The following MTMR6 variants were observed in gnomAD, a reference collection of about 807,000 sequenced individuals.
MTMR6 encodes the protein phosphatidylinositol-3,5-bisphosphate 3-phosphatase MTMR6.
A neutral mutation model predicts 80.1 loss-of-function variants in MTMR6; 47 were observed. That is an observed-to-expected ratio of 0.59 (90% CI 0.46 to 0.75). The LOEUF (loss-of-function observed/expected upper bound fraction) is 0.75. Among genes scored for constraint, MTMR6 ranks in the 30% least tolerant of loss-of-function variants. MTMR6 has a pLI of 0.00. For missense variants in MTMR6, 629 were observed against 730.9 expected (o/e 0.86, Z 1.61); for synonymous variants, 254 against 253.0 (o/e 1.00, Z -0.04).
chr13:25,247,426 G>C lies in MTMR6; in HGVS notation c.*1806C>G, dbSNP rs186328819. 5 of 152,728 alleles carry C rather than the reference G, an allele frequency of 3.3e-5. No homozygotes were observed. Among genetic ancestry groups the C allele is most frequent in the African/African-American group, 1.2e-4 (5 of 41,564 alleles). The allele number at this position is 152,728 out of a possible 1,614,324, so 9.5% of individuals were successfully genotyped here. On this transcript the variant is annotated 3_prime_UTR_variant, in exon 14 of 14. Transcript: ENST00000381801. ...CCTGTAGGTCACTTAAGATGTAACTGATTTCTCAGTCCACCTGTGAGCATA... is the reference window on the plus strand; with the variant it reads ...CCTGTAGGTCACTTAAGATGTAACTCATTTCTCAGTCCACCTGTGAGCATA...
At chr13:25,270,600 CTAAT>C (rs1957551782) in intron 2 of MTMR6, among the ~76,000 whole-genome samples, 1 of 152,060 alleles carries the variant, frequency 6.6e-6, no homozygotes, top group Non-Finnish European at 1.5e-5. Context: ...GATAATATGA[CTAAT>C]TATTTCAGAA....
intron 9 of MTMR6, among the ~76,000 whole-genome samples, chr13:25,255,540 T>C (rs1188980641): frequency 6.6e-6 from 1 of 152,176 alleles, no homozygotes; most frequent in Non-Finnish European, 1.5e-5. Context: ...TCTTTTTTTT[T>C]TGAGACAGGG....
Position 25,287,162 on chromosome 13 carries a change from C to T in MTMR6, c.24+62G>A, listed in dbSNP as rs189999827. 3.0e-5 allele frequency: 47 copies of T among 1,557,230 alleles called. No homozygotes were observed. The African/African-American group carries it at 5.3e-4, about 18-fold the overall frequency. On this transcript the variant is annotated intron_variant, in intron 1 of 13. Transcript: ENST00000381801. The stretch of plus-strand genomic sequence containing the variant: ...AGTCAGGCCAGCAGAGCCTTCGTCT[C>T]CTCCTGCCTCAGCCGGGTCAGAGCA...
chr13:25,267,580 C>A (rs1957486097), intron 3 of MTMR6, among the ~76,000 whole-genome samples, 199 bp downstream of exon 3: 1 of 152,172 alleles, frequency 6.6e-6, no homozygotes, highest in African/African-American at 2.4e-5. Context: ...CTTACCATTA[C>A]CCCTTCTGAT....
At chr13:25,260,366 C>G (rs182696083) in intron 6 of MTMR6, among the ~76,000 whole-genome samples, 1 of 152,086 alleles carries the variant, frequency 6.6e-6, no homozygotes, top group East Asian at 1.9e-4. Flanking sequence ...CAGAGTTTCT[C>G]CATGTTGGTC....
intron 1 of MTMR6, among the ~76,000 whole-genome samples, chr13:25,275,055 T>A (rs184354642): frequency 1.2e-3 from 179 of 150,372 alleles, no homozygotes; most frequent in Non-Finnish European, 2.1e-3. Context: ...ACCAGGAATG[T>A]GCAGGAGGCT....
chr13:25,259,903 C>T (rs531343406), intron 6 of MTMR6, among the ~76,000 whole-genome samples: 2 of 151,610 alleles, frequency 1.3e-5, no homozygotes, highest in East Asian at 1.9e-4. Flanking sequence ...TTTTTGTCAC[C>T]CAGTCTGGAG....
chr13:25,281,710 GA>G (rs2137634348), intron 1 of MTMR6, among the ~76,000 whole-genome samples: 1 of 152,266 alleles, frequency 6.6e-6, no homozygotes, highest in Admixed American at 6.5e-5. Context: ...ACTCATCTAG[GA>G]CTCTCAGAAT....
intron 2 of MTMR6, among the ~76,000 whole-genome samples, chr13:25,273,815 G>A (rs777486440): frequency 1.9e-4 from 29 of 152,086 alleles, no homozygotes; most frequent in South Asian, 4.1e-4. Context: ...GTGAGCCACC[G>A]CATCCGGCCT....
In MTMR6 at chr13:25,265,024, C is replaced by T. The variant is rs1203535891; in HGVS notation, c.591+795G>A. Among the ~76,000 whole-genome samples the T allele has an allele frequency of 2.0e-5, 3 of 152,220 alleles. No homozygotes were observed. In the East Asian group the frequency reaches 5.8e-4, roughly 30 times the overall value. On this transcript the variant is annotated intron_variant, in intron 5 of 13. Transcript: ENST00000381801. ...CATTTAACATACAGTACCTCTTGGC[C>T]TTCTATTAGTAGGCTACAAAGGTAA...
rs749462663 is a variant in MTMR6, at chr13:25,274,097, T to C, written c.115A>G (p.Ile39Val). The C allele has an allele frequency of 1.9e-6, 3 of 1,608,734 alleles. No individual in the cohort carries two copies. Among genetic ancestry groups the C allele is most frequent in the Admixed American group, 3.4e-5 (2 of 59,608 alleles). ...CAGGTTTCTTTTTGATGAGAGTCGA[T>C]AAATAATAGATGTGTAGCCGTAAGA... Reference protein sequence around the residue: ...LYLTATHLLFIDSHQKETWIL... With the variant: ...LYLTATHLLFVDSHQKETWIL... Residue 39 changes from isoleucine (I) to valine (V), a missense_variant, in exon 2 of 14, where the codon ATC becomes GTC. Coordinates refer to ENST00000381801, the MANE Select transcript of MTMR6 (RefSeq NM_004685.5).
chr13:25,280,306 G>A (rs930334653), intron 1 of MTMR6, among the ~76,000 whole-genome samples: 2 of 151,962 alleles, frequency 1.3e-5, no homozygotes, highest in Non-Finnish European at 2.9e-5. Flanking sequence ...TGCTTCAATG[G>A]GTAATCTCCA....
intron 1 of MTMR6, among the ~76,000 whole-genome samples, chr13:25,283,536 C>T (rs74042907): frequency 0.024 from 3,609 of 152,210 alleles, 154 homozygotes; most frequent in African/African-American, 0.083. Context: ...TGTATACATA[C>T]ATAGATGATC....
Position 25,287,269 on chromosome 13 carries a change from A to T in MTMR6, c.-22T>A. 1 of 1,589,130 alleles carries T rather than the reference A, an allele frequency of 6.3e-7. No homozygotes were observed. The highest frequency in any genetic ancestry group is 8.5e-7 in the Non-Finnish European group (1 of 1,170,444). On this transcript the variant is annotated 5_prime_UTR_variant, in exon 1 of 14. Coordinates refer to ENST00000381801, the MANE Select transcript of MTMR6 (RefSeq NM_004685.5). Reference sequence around the variant, plus strand: ...CCATCGCAAGGAGACGTCAGCCGGCAGCCGGTCTCACAGGCGTACCATACG... The same window carrying T: ...CCATCGCAAGGAGACGTCAGCCGGCTGCCGGTCTCACAGGCGTACCATACG...
At position 25,247,452 on chromosome 13, in the gene MTMR6, T is replaced by G. The variant is rs1039609227; in HGVS notation, c.*1780A>C. ...ATTTCTCAGTCCACCTGTGAGCATATAAACACACAAATATATGTCTGAAGT... is the reference window on the plus strand; with the variant it reads ...ATTTCTCAGTCCACCTGTGAGCATAGAAACACACAAATATATGTCTGAAGT... On this transcript the variant is annotated 3_prime_UTR_variant, in exon 14 of 14. Coordinates refer to ENST00000381801, the MANE Select transcript of MTMR6 (RefSeq NM_004685.5). The G allele has an allele frequency of 5.2e-5, 8 of 152,620 alleles. No individual in the cohort carries two copies. Among genetic ancestry groups the G allele is most frequent in the African/African-American group, 1.9e-4 (8 of 41,450 alleles). 9.5% of individuals were successfully genotyped at this position (152,620 alleles called of 1,614,324 possible). A position where few individuals can be genotyped will look rare whatever the true frequency, so the allele number is the denominator to read the frequency against.
Position 25,260,711 on chromosome 13 carries a change from G to A in MTMR6, c.726+957C>T, listed in dbSNP as rs1048819352. ...CGCTATAACAAAAATTAAAAGTAAC[G>A]TTAGCTATTACCACTGAGGATTTTA... On this transcript the variant is annotated intron_variant, in intron 6 of 13. Transcript: ENST00000381801. The A allele has an allele frequency of 1.5e-5, 17 of 1,158,870 alleles. No individual in the cohort carries two copies. The Admixed American group carries it at 3.0e-4, about 20-fold the overall frequency. 71.8% of individuals were successfully genotyped at this position (1,158,870 alleles called of 1,614,324 possible).
At chr13:25,273,525 ATTT>A (rs61701580) in intron 2 of MTMR6, among the ~76,000 whole-genome samples, 1,897 of 137,590 alleles carry the variant, frequency 0.014, 48 homozygotes, top group African/African-American at 0.047. Flanking sequence ...GAACAATAGG[ATTT>A]TTTTTTTTTT....
rs1957034366 is a variant in MTMR6 at position 25,249,137 on chromosome 13, G to A, written c.*95C>T. On this transcript the variant is annotated 3_prime_UTR_variant, in exon 14 of 14. Transcript: ENST00000381801. ...TAGCCTACTGTTAAACCCTAAAATT[G>A]TTATTAGACAAATTCCTTTTGGTTA... 1 of 1,379,268 alleles carries A rather than the reference G, an allele frequency of 7.3e-7. No individual in the cohort carries two copies. The highest frequency in any genetic ancestry group is 9.9e-7 in the Non-Finnish European group (1 of 1,014,864). The allele number at this position is 1,379,268 out of a possible 1,614,324, so 85.4% of individuals were successfully genotyped here.
chr13:25,274,961 T>TATACACACACACACAC (rs1957680028), intron 1 of MTMR6, among the ~76,000 whole-genome samples: 1 of 104,988 alleles, frequency 9.5e-6, no homozygotes, highest in Non-Finnish European at 1.9e-5. Flanking sequence ...CACACACACA[T>TATACACACACACACAC]ACACACACAC....
Sources: allele counts gnomAD v4.1 joint callset (sites outside exome capture counted in the v4.1 genomes callset), GRCh38; gene constraint gnomAD v4.1.1; transcripts MANE v1.5; gene names NCBI Gene and HGNC (gene_info 2026-07-23, HGNC 2026-07-21).